AEBP2: variants seen among roughly 807,000 people sequenced by gnomAD.
AEBP2 encodes the protein zinc finger protein AEBP2.
A neutral mutation model predicts 50.8 loss-of-function variants in AEBP2; 10 were observed. The observed-to-expected ratio is 0.20, with a 90% CI of 0.12 to 0.33. The LOEUF is 0.33. AEBP2 is among the 10% of genes least tolerant of loss of function. The probability of loss-of-function intolerance (pLI) is 1.00; values close to 1 mark genes in which losing one functional copy is unlikely to be tolerated. For missense variants in AEBP2, 570 were observed against 688.0 expected (o/e 0.83, Z 1.92); for synonymous variants, 296 against 261.3 (o/e 1.13, Z -1.28).
Position 19,442,392 on chromosome 12 carries a change from A to G in AEBP2, c.671+2022A>G, listed in dbSNP as rs554248533. Among the ~76,000 whole-genome samples, 16 of 152,282 alleles carry G rather than the reference A, an allele frequency of 1.1e-4. No individual in the cohort carries two copies. In the East Asian group the frequency reaches 2.9e-3, roughly 28 times the overall value. Reference sequence around the variant, plus strand: ...CACTGCACTCCAGCCTGGGCGACAGAGCGAGACTCCGTCTCAAAAAAAAAC... The same window carrying G: ...CACTGCACTCCAGCCTGGGCGACAGGGCGAGACTCCGTCTCAAAAAAAAAC... On this transcript the variant is annotated intron_variant, in intron 1 of 7. Transcript: ENST00000266508.
At position 19,440,240 on chromosome 12, in the gene AEBP2, G is replaced by C; in HGVS notation, c.541G>C (p.Val181Leu). The stretch of plus-strand genomic sequence containing the variant: ...GGGCGGCAGCAGTAGCAGCAGCGTA[G>C]TCTCCAGCGGCGGCGACGAGGGCTA... ...GGGGSSSSSV[V>L]SSGGDEGYGT... Residue 181 changes from valine to leucine, a missense_variant, in exon 1 of 8, where the codon GTC becomes CTC. Transcript: ENST00000266508. 6.8e-7 allele frequency: 1 copy of C among 1,469,684 alleles called. No homozygotes were observed. Among genetic ancestry groups the C allele is most frequent in the Non-Finnish European group, 8.9e-7 (1 of 1,122,300 alleles). 91.0% of individuals were successfully genotyped at this position (1,469,684 alleles called of 1,614,324 possible). A position where few individuals can be genotyped will look rare whatever the true frequency, so the allele number is the denominator to read the frequency against.
chr12:19,426,611 A>G, intron 1 of AEBP2, among the ~76,000 whole-genome samples: 1 of 152,124 alleles, frequency 6.6e-6, no homozygotes, highest in East Asian at 1.9e-4. Flanking sequence ...AGCTGGTTAA[A>G]CATTATTTCT....
At chr12:19,495,358 A>ATACT (rs1203626156) in intron 4 of AEBP2, among the ~76,000 whole-genome samples, 2 of 152,264 alleles carry the variant, frequency 1.3e-5, no homozygotes, top group African/African-American at 4.8e-5. Flanking sequence ...TGATTAGTAT[A>ATACT]GACAAGACTC....
chr12:19,405,673 G>C (rs1204824390), intron 1 of AEBP2, among the ~76,000 whole-genome samples: 2 of 152,122 alleles, frequency 1.3e-5, no homozygotes, highest in Non-Finnish European at 2.9e-5. Context: ...TCATGCTTGT[G>C]GCAGGATGGT....
At chr12:19,514,601 G>A (rs1949291832) in intron 6 of AEBP2, 70 bp from the exon 7 acceptor site, 4 of 1,207,926 alleles carry the variant, frequency 3.3e-6, no homozygotes, top group Admixed American at 2.3e-5. Context: ...ATGCCAGAAT[G>A]TGAAGGCACA....
At chr12:19,427,936 T>G (rs2095749427) in intron 1 of AEBP2, among the ~76,000 whole-genome samples, 1 of 152,022 alleles carries the variant, frequency 6.6e-6, no homozygotes, top group Non-Finnish European at 1.5e-5. Context: ...AGACGAAGTT[T>G]CTCTCTTGTT....
rs375160231 is a variant in AEBP2 at position 19,421,344 on chromosome 12, CAAAAAAAA to C, written c.-17+17143_-17+17150del. On this transcript the variant is annotated intron_variant, in intron 1 of 3. Coordinates refer to the AEBP2 transcript ENST00000538425. ...TGGGTGACAGAGCGAGACTCTGTCT[CAAAAAAAA>C]AAAAAAAAAAAAAAGAAACAAACAA... 4.9e-5 allele frequency among the ~76,000 whole-genome samples: 4 copies of C among 82,456 alleles called. No homozygotes were observed. The East Asian group carries it at 1.4e-3, about 29-fold the overall frequency. 54.1% of individuals were successfully genotyped at this position (82,456 alleles called of 152,430 possible). A position where few individuals can be genotyped will look rare whatever the true frequency, so the allele number is the denominator to read the frequency against.
At position 19,462,498 on chromosome 12, in the gene AEBP2, C is replaced by T. The variant is rs1411259007; in HGVS notation, c.672-12C>T. The T allele has an allele frequency of 1.8e-5, 28 of 1,586,636 alleles. No individual in the cohort carries two copies. In the Admixed American group the frequency reaches 2.2e-4, roughly 12 times the overall value. ...TTCTAGGAATAACACAGCCTTTTTT[C>T]TTCTTTTGTAGCATAAGCAGTACTA... On this transcript the variant is annotated splice_polypyrimidine_tract_variant and intron_variant, in intron 1 of 7. Transcript: ENST00000266508.
At position 19,518,396 on chromosome 12, in the gene AEBP2, A is replaced by G. The variant is rs1949350391; in HGVS notation, c.*279A>G. 1 of 1,232,718 alleles carries G rather than the reference A, an allele frequency of 8.1e-7. No homozygotes were observed. 76.4% of individuals were successfully genotyped at this position (1,232,718 alleles called of 1,614,324 possible). A position where few individuals can be genotyped will look rare whatever the true frequency, so the allele number is the denominator to read the frequency against. ...AAACACTCTTTTGGCAACTTAGTAG[A>G]ACAGCTTCTTAAAGGCTTTGCATGC... is the stretch of plus-strand genomic sequence containing the variant. On this transcript the variant is annotated 3_prime_UTR_variant, in exon 8 of 8. Coordinates refer to ENST00000266508, the MANE Select transcript of AEBP2 (RefSeq NM_153207.5).
intron 4 of AEBP2, among the ~76,000 whole-genome samples, chr12:19,498,201 A>G (rs1949015649): frequency 6.6e-6 from 1 of 152,184 alleles, no homozygotes; most frequent in Non-Finnish European, 1.5e-5. Flanking sequence ...AGGAAAAAGC[A>G]TATATTTGGA....
intron 1 of AEBP2, among the ~76,000 whole-genome samples, chr12:19,421,521 C>T (rs2153364472): frequency 6.6e-6 from 1 of 151,998 alleles, no homozygotes; most frequent in East Asian, 1.9e-4. Context: ...ATTTGGGAGG[C>T]TGAGGTGGGA....
At chr12:19,445,651 C>T (rs1948048334) in intron 1 of AEBP2, among the ~76,000 whole-genome samples, 1 of 152,082 alleles carries the variant, frequency 6.6e-6, no homozygotes, top group Non-Finnish European at 1.5e-5. Flanking sequence ...AAGTGCTGTA[C>T]GATCTGGAAT....
chr12:19,509,262 A>T, intron 5 of AEBP2: 1 of 284,460 alleles, frequency 3.5e-6, no homozygotes, highest in Admixed American at 3.9e-5. Flanking sequence ...TGAAAAATGC[A>T]ACTTTTTTAA....
intron 7 of AEBP2, 120 bp downstream of exon 7, chr12:19,514,904 C>T: frequency 1.5e-6 from 1 of 686,662 alleles, no homozygotes; most frequent in Non-Finnish European, 2.4e-6. Context: ...TATCTCATTA[C>T]TTCCTGGCTT....
rs1231409663 is a variant in AEBP2, at chr12:19,440,685, C to T, written c.671+315C>T. ...CCCCAAACGGGCCCAGATCCTCTGG[C>T]GGAGCAGAAGAGGGCCTTGATGTAC... On this transcript the variant is annotated intron_variant, in intron 1 of 7. Coordinates refer to ENST00000266508, the MANE Select transcript of AEBP2 (RefSeq NM_153207.5). 11 of 1,532,924 alleles carry T rather than the reference C, an allele frequency of 7.2e-6. No homozygotes were observed. The African/African-American group carries it at 8.2e-5, about 11-fold the overall frequency. 95.0% of individuals were successfully genotyped at this position (1,532,924 alleles called of 1,614,324 possible). A position where few individuals can be genotyped will look rare whatever the true frequency, so the allele number is the denominator to read the frequency against.
chr12:19,491,281 A>T (rs16915534), intron 3 of AEBP2, among the ~76,000 whole-genome samples: 6,929 of 152,260 alleles, frequency 0.046, 204 homozygotes, highest in East Asian at 0.07. Flanking sequence ...AAAATTCTTG[A>T]TGCAGCCTAT....
chr12:19,439,938 A>C lies in AEBP2; in HGVS notation c.239A>C (p.Glu80Ala), dbSNP rs1301353752. The C allele has an allele frequency of 4.0e-6, 6 of 1,513,096 alleles. No individual in the cohort carries two copies. The highest frequency in any genetic ancestry group is 2.9e-5 in the African/African-American group (2 of 68,536). 93.7% of individuals were successfully genotyped at this position (1,513,096 alleles called of 1,614,324 possible). ...GGAGGAGTGGGGGGCGGCGAGGCAG[A>C]GACGATGTCGGAGCCGAGCCCCGAG... is the stretch of plus-strand genomic sequence containing the variant. ...GGGGVGGGEA[E>A]TMSEPSPESA... Residue 80 changes from glutamate (E) to alanine (A), a missense_variant, in exon 1 of 8, where the codon GAG becomes GCG. Physicochemically the swap from Glu to Ala is moderately radical, Grantham distance 107. Around this residue, in one of 2 missense-constraint regions of AEBP2, gnomAD observed 386 missense variants for 336.8 expected, o/e 1.15. Transcript: ENST00000266508.
chr12:19,422,341 C>G (rs1031730470), intron 1 of AEBP2, among the ~76,000 whole-genome samples: 3 of 151,822 alleles, frequency 2.0e-5, no homozygotes, highest in Non-Finnish European at 4.4e-5. Flanking sequence ...TTAGAGTTAC[C>G]CTATTAGGAA....
chr12:19,422,141 G>A (rs2153364506), intron 1 of AEBP2, among the ~76,000 whole-genome samples: 1 of 152,182 alleles, frequency 6.6e-6, no homozygotes, highest in Non-Finnish European at 1.5e-5. Context: ...GACTCTGGGT[G>A]GAGGGGGGAG....
Sources: allele counts gnomAD v4.1 joint callset (sites outside exome capture counted in the v4.1 genomes callset), GRCh38; gene constraint gnomAD v4.1.1; regional missense constraint gnomAD v4.1.1; transcripts MANE v1.5; gene names NCBI Gene and HGNC (gene_info 2026-07-23, HGNC 2026-07-21).